The following WNT1 variants were observed in gnomAD, a reference collection of about 807,000 sequenced individuals.
WNT1 encodes proto-oncogene Wnt-1.
A neutral mutation model predicts 21.3 loss-of-function variants in WNT1; 10 were observed. That is an observed-to-expected ratio of 0.47 (90% CI 0.29 to 0.80). WNT1 has a LOEUF of 0.80. Among genes scored for constraint, WNT1 ranks in the 30% least tolerant of loss-of-function variants. WNT1 has a pLI of 0.09. For missense variants in WNT1, 476 were observed against 534.1 expected, an observed-to-expected ratio of 0.89 and a Z score of 1.07; for synonymous variants, 208 against 236.3, an observed-to-expected ratio of 0.88 and a Z score of 1.10.
rs757244362 is a variant in WNT1 at position 48,978,634 on chromosome 12, G to A, written c.-17G>A. On this transcript the variant is annotated 5_prime_UTR_variant, in exon 1 of 4. Transcript: ENST00000293549. The surrounding 1 kb of genome is among the most constrained non-coding windows in gnomAD (Gnocchi z 7.4). ...TCGCCGCAACTGCAGCACAGAGCGGGCAAAGCCAGGCAGGCCATGGGGCTC... is the reference window on the plus strand; with the variant it reads ...TCGCCGCAACTGCAGCACAGAGCGGACAAAGCCAGGCAGGCCATGGGGCTC... 6.4e-6 allele frequency: 10 copies of A among 1,566,902 alleles called. No individual in the cohort carries two copies. In the Admixed American group the frequency reaches 1.6e-4, roughly 25 times the overall value.
rs1941025980 is a variant in WNT1, at chr12:48,982,229, G to C, written c.*589G>C. On this transcript the variant is annotated 3_prime_UTR_variant, in exon 4 of 4. Coordinates refer to ENST00000293549, the MANE Select transcript of WNT1 (RefSeq NM_005430.4). ...CAGCAGAAATGCCCCCATTCTCCCAGTCTCTGTCGTGGAGCCATTGAACAG... is the reference window on the plus strand; with the variant it reads ...CAGCAGAAATGCCCCCATTCTCCCACTCTCTGTCGTGGAGCCATTGAACAG... Among the ~76,000 whole-genome samples the C allele has an allele frequency of 6.6e-6, 1 of 152,164 alleles. No homozygotes were observed. Among genetic ancestry groups the C allele is most frequent in the Non-Finnish European group, 1.5e-5 (1 of 68,036 alleles).
At position 48,981,352 on chromosome 12, in the gene WNT1, G is replaced by A. The variant is rs1211793566; in HGVS notation, c.825G>A (p.Glu275=). Residue 275 remains glutamate (E), a synonymous_variant, in exon 4 of 4, where the codon GAG becomes GAA. Coordinates refer to ENST00000293549, the MANE Select transcript of WNT1 (RefSeq NM_005430.4). This position sits in a 1 kb window ranked among gnomAD's most constrained non-coding sequence, Gnocchi z 7.4. ...CGCGGGCGGAGCTGCTGCGCCTGGA[G>A]CCGGAAGACCCGGCCCACAAACCGC... ...RASRAELLRL[E]PEDPAHKPPS... 3 of 1,568,044 alleles carry A rather than the reference G, an allele frequency of 1.9e-6. No homozygotes were observed. The African/African-American group carries it at 4.1e-5, about 21-fold the overall frequency.
rs766350929 is a variant in WNT1, at chr12:48,981,817, G to T, written c.*177G>T. ...TACCTGGGGACTCCTCAAACCACTT[G>T]CCTGGGGCGGCATGAACCCTCTTGC... is the stretch of plus-strand genomic sequence containing the variant. On this transcript the variant is annotated 3_prime_UTR_variant, in exon 4 of 4. Transcript: ENST00000293549. The surrounding 1 kb of genome is among the most constrained non-coding windows in gnomAD (Gnocchi z 7.4). 9.8e-6 allele frequency: 9 copies of T among 915,404 alleles called. No homozygotes were observed. Among genetic ancestry groups the T allele is most frequent in the Non-Finnish European group, 1.4e-5 (9 of 656,132 alleles). The allele number at this position is 915,404 out of a possible 1,614,324, so 56.7% of individuals were successfully genotyped here.
rs1034744946 is a variant in WNT1, at chr12:48,980,949, G to C, written c.625-203G>C. On this transcript the variant is annotated intron_variant, in intron 3 of 3. Coordinates refer to ENST00000293549, the MANE Select transcript of WNT1 (RefSeq NM_005430.4). This position sits in a 1 kb window ranked among gnomAD's most constrained non-coding sequence, Gnocchi z 7.0. ...ATTCGAAAAATAAGCCTGAGAGGCC[G>C]AGACTGACTCGCCGCGGCGGAGCAG... Among the ~76,000 whole-genome samples, 1 of 152,200 alleles carries C rather than the reference G, an allele frequency of 6.6e-6. No individual in the cohort carries two copies. The highest frequency in any genetic ancestry group is 6.5e-5 in the Admixed American group (1 of 15,290).
chr12:48,978,551 C>T lies in WNT1; in HGVS notation c.-100C>T, dbSNP rs920169029. ...AGGGTTGTTAAAGCCAGACTGCGAA[C>T]TCTCGCCACTGCCGCCACCGCCGCG... On this transcript the variant is annotated 5_prime_UTR_variant, in exon 1 of 4. Transcript: ENST00000293549. This position sits in a 1 kb window ranked among gnomAD's most constrained non-coding sequence, Gnocchi z 7.4. 2 of 861,642 alleles carry T rather than the reference C, an allele frequency of 2.3e-6. No homozygotes were observed. The highest frequency in any genetic ancestry group is 3.7e-6 in the Non-Finnish European group (2 of 541,390). The allele number at this position is 861,642 out of a possible 1,614,324, so 53.4% of individuals were successfully genotyped here.
At position 48,979,603 on chromosome 12, in the gene WNT1, C is replaced by T; in HGVS notation, c.240C>T (p.His80=). The change falls in exon 2 of 4, where the codon CAC becomes CAT. Residue 80 remains histidine (H), a synonymous_variant. Coordinates refer to ENST00000293549, the MANE Select transcript of WNT1 (RefSeq NM_005430.4). The surrounding 1 kb of genome is among the most constrained non-coding windows in gnomAD (Gnocchi z 6.0). ...RLIRQNPGIL[H]SVSGGLQSAV... ...TACGCCAAAATCCGGGGATCCTGCA[C>T]AGCGTGAGTGGGGGGCTGCAGAGTG... 1 of 1,614,118 alleles carries T rather than the reference C, an allele frequency of 6.2e-7. No individual in the cohort carries two copies. The highest frequency in any genetic ancestry group is 8.5e-7 in the Non-Finnish European group (1 of 1,180,046).
rs570746402 is a variant in WNT1 at position 48,980,786 on chromosome 12, G to T, written c.624+97G>T. The T allele has an allele frequency of 2.1e-6, 3 of 1,449,918 alleles. No individual in the cohort carries two copies. The South Asian group carries it at 4.4e-5, about 21-fold the overall frequency. 89.8% of individuals were successfully genotyped at this position (1,449,918 alleles called of 1,614,324 possible). On this transcript the variant is annotated intron_variant, in intron 3 of 3. Transcript: ENST00000293549. The surrounding 1 kb of genome is among the most constrained non-coding windows in gnomAD (Gnocchi z 7.0). The stretch of plus-strand genomic sequence containing the variant: ...GGTGAGATAAGGCAAGGGGCACCAG[G>T]AGAGGGCGTCCTGGGAGAGCCGGAG...
rs1462546178 is a variant in WNT1, at chr12:48,979,714, C to T, written c.351C>T (p.Val117=). 6.3e-7 allele frequency: 1 copy of T among 1,590,076 alleles called. No homozygotes were observed. The highest frequency in any genetic ancestry group is 8.6e-7 in the Non-Finnish European group (1 of 1,163,268). Residue 117 remains valine, a synonymous_variant, in exon 2 of 4, where the codon GTC becomes GTT. Transcript: ENST00000293549. The surrounding 1 kb of genome is among the most constrained non-coding windows in gnomAD (Gnocchi z 6.0). ...APGPHLFGKI[V]NRGCRETAFI... ...GGCCCCACCTCTTCGGCAAGATCGT[C>T]AACCGAGGTGGGTGCCCAGGAAGGC...
In WNT1 at chr12:48,979,439, T is replaced by A; in HGVS notation, c.105-29T>A. 6.3e-7 allele frequency: 1 copy of A among 1,576,852 alleles called. No homozygotes were observed. On this transcript the variant is annotated intron_variant, in intron 1 of 3. Transcript: ENST00000293549. This position sits in a 1 kb window ranked among gnomAD's most constrained non-coding sequence, Gnocchi z 6.0. ...ATGGTTAGGGTGCGGATCCCCTTCC[T>A]GAGCCTGAGCTATCATACGTCCCAC...
Position 48,979,726 on chromosome 12 carries a change from G to A in WNT1, c.358+5G>A. ...TCGGCAAGATCGTCAACCGAGGTGG[G>A]TGCCCAGGAAGGCGACGCTTCCGGG... On this transcript the variant is annotated splice_donor_5th_base_variant and intron_variant, in intron 2 of 3. Coordinates refer to ENST00000293549, the MANE Select transcript of WNT1 (RefSeq NM_005430.4). The surrounding 1 kb of genome is among the most constrained non-coding windows in gnomAD (Gnocchi z 6.0). The A allele has an allele frequency of 5.7e-6, 9 of 1,581,480 alleles. No homozygotes were observed. Among genetic ancestry groups the A allele is most frequent in the Non-Finnish European group, 7.8e-6 (9 of 1,159,188 alleles).
chr12:48,980,349 G>A lies in WNT1; in HGVS notation c.359-75G>A. 2.6e-6 allele frequency: 4 copies of A among 1,563,662 alleles called. No homozygotes were observed. Among genetic ancestry groups the A allele is most frequent in the Non-Finnish European group, 3.5e-6 (4 of 1,142,180 alleles). ...GTGCGGAGTCGGGGGTGGGATTCCG[G>A]TCCCAAGCCCTTCATGAGGGTGCTG... On this transcript the variant is annotated intron_variant, in intron 2 of 3. Coordinates refer to ENST00000293549, the MANE Select transcript of WNT1 (RefSeq NM_005430.4). This position sits in a 1 kb window ranked among gnomAD's most constrained non-coding sequence, Gnocchi z 7.0.
rs1168287105 is a variant in WNT1 at position 48,981,164 on chromosome 12, G to A, written c.637G>A (p.Glu213Lys). 1 of 1,612,082 alleles carries A rather than the reference G, an allele frequency of 6.2e-7. No homozygotes were observed. Among genetic ancestry groups the A allele is most frequent in the East Asian group, 2.2e-5 (1 of 44,748 alleles). ...NEAGRTTVFSEMRQECKCHGM... is the reference protein window; with the variant it reads ...NEAGRTTVFSKMRQECKCHGM... ...CCTATCCCCGCAGACCGTATTCTCC[G>A]AGATGCGCCAGGAGTGCAAGTGCCA... Residue 213 changes from glutamate (E) to lysine (K), a missense_variant, in exon 4 of 4, where the codon GAG becomes AAG. Glu to Lys is a moderately conservative substitution (Grantham distance 56). Transcript: ENST00000293549. This position sits in a 1 kb window ranked among gnomAD's most constrained non-coding sequence, Gnocchi z 7.4.
rs373436799 is a variant in WNT1, at chr12:48,981,960, T to C, written c.*320T>C. Among the ~76,000 whole-genome samples, 152 of 152,132 alleles carry C rather than the reference T, an allele frequency of 1.0e-3. No homozygotes were observed. The highest frequency in any genetic ancestry group is 6.8e-3 in the Middle Eastern group (2 of 294). On this transcript the variant is annotated 3_prime_UTR_variant, in exon 4 of 4. Transcript: ENST00000293549. The surrounding 1 kb of genome is among the most constrained non-coding windows in gnomAD (Gnocchi z 7.4). ...AGGATGGGTCCCCTCCGCCATGGGG[T>C]CGGCTCCTGATGGTGTCATTCTGCC...
chr12:48,981,080 G>A lies in WNT1; in HGVS notation c.625-72G>A, dbSNP rs1592257731. The A allele has an allele frequency of 6.4e-7, 1 of 1,568,148 alleles. No individual in the cohort carries two copies. Among genetic ancestry groups the A allele is most frequent in the South Asian group, 1.2e-5 (1 of 84,288 alleles). ...GAGGTCCGGCCCCCGTGGCGTCCGGGAGAGGGCAGTGTCTGGGAGGGTGAC... is the reference window on the plus strand; with the variant it reads ...GAGGTCCGGCCCCCGTGGCGTCCGGAAGAGGGCAGTGTCTGGGAGGGTGAC... On this transcript the variant is annotated intron_variant, in intron 3 of 3. Coordinates refer to ENST00000293549, the MANE Select transcript of WNT1 (RefSeq NM_005430.4). The surrounding 1 kb of genome is among the most constrained non-coding windows in gnomAD (Gnocchi z 7.4).
Position 48,980,368 on chromosome 12 carries a change from G to A in WNT1, c.359-56G>A, listed in dbSNP as rs1327975307. ...ATTCCGGTCCCAAGCCCTTCATGAGGGTGCTGGCCGCGCCCCGCGTACCCC... is the reference window on the plus strand; with the variant it reads ...ATTCCGGTCCCAAGCCCTTCATGAGAGTGCTGGCCGCGCCCCGCGTACCCC... On this transcript the variant is annotated intron_variant, in intron 2 of 3. Transcript: ENST00000293549. This position sits in a 1 kb window ranked among gnomAD's most constrained non-coding sequence, Gnocchi z 7.0. 1.9e-6 allele frequency: 3 copies of A among 1,604,014 alleles called. No homozygotes were observed. The highest frequency in any genetic ancestry group is 2.6e-6 in the Non-Finnish European group (3 of 1,172,584).
rs1592258414 is a variant in WNT1 at position 48,982,196 on chromosome 12, G to A, written c.*556G>A. 1.3e-5 allele frequency among the ~76,000 whole-genome samples: 2 copies of A among 152,238 alleles called. No homozygotes were observed. The highest frequency in any genetic ancestry group is 4.8e-5 in the African/African-American group (2 of 41,546). On this transcript the variant is annotated 3_prime_UTR_variant, in exon 4 of 4. Transcript: ENST00000293549. Reference sequence around the variant, plus strand: ...GCTGTGATGATGTGGAAATGAGGTTGGGGGAACCAGCAGAAATGCCCCCAT... The same window carrying A: ...GCTGTGATGATGTGGAAATGAGGTTAGGGGAACCAGCAGAAATGCCCCCAT...
In WNT1 at chr12:48,980,126, G is replaced by T. The variant is rs1339249806; in HGVS notation, c.359-298G>T. On this transcript the variant is annotated intron_variant, in intron 2 of 3. Transcript: ENST00000293549. This position sits in a 1 kb window ranked among gnomAD's most constrained non-coding sequence, Gnocchi z 7.0. ...TGCGAAGAAGTCTTGGGGATGTATG[G>T]TTCTTCCGCTCCCCTCTCTTCGGTT... 6.6e-6 allele frequency among the ~76,000 whole-genome samples: 1 copy of T among 152,218 alleles called. No individual in the cohort carries two copies. The highest frequency in any genetic ancestry group is 1.5e-5 in the Non-Finnish European group (1 of 68,042).
chr12:48,981,097 G>A lies in WNT1; in HGVS notation c.625-55G>A. ...GCGTCCGGGAGAGGGCAGTGTCTGG[G>A]AGGGTGACTCTGGCCCGGTGCCCTG... is the stretch of plus-strand genomic sequence containing the variant. On this transcript the variant is annotated intron_variant, in intron 3 of 3. Coordinates refer to ENST00000293549, the MANE Select transcript of WNT1 (RefSeq NM_005430.4). The surrounding 1 kb of genome is among the most constrained non-coding windows in gnomAD (Gnocchi z 7.4). 3 of 1,593,558 alleles carry A rather than the reference G, an allele frequency of 1.9e-6. No individual in the cohort carries two copies. The highest frequency in any genetic ancestry group is 2.6e-6 in the Non-Finnish European group (3 of 1,170,218).
chr12:48,981,283 C>A lies in WNT1; in HGVS notation c.756C>A (p.Gly252=), dbSNP rs767245925. Reference sequence around the variant, plus strand: ...ATGTGCTGCGCGACCGCTTCGACGGCGCCTCGCGCGTCCTGTACGGCAACC... The same window carrying A: ...ATGTGCTGCGCGACCGCTTCGACGGAGCCTCGCGCGTCCTGTACGGCAACC... ...VGDVLRDRFD[G]ASRVLYGNRG... The change falls in exon 4 of 4, where the codon GGC becomes GGA. Residue 252 remains glycine, a synonymous_variant. Coordinates refer to ENST00000293549, the MANE Select transcript of WNT1 (RefSeq NM_005430.4). This position sits in a 1 kb window ranked among gnomAD's most constrained non-coding sequence, Gnocchi z 7.4. The A allele has an allele frequency of 1.3e-6, 2 of 1,597,742 alleles. No individual in the cohort carries two copies. Among genetic ancestry groups the A allele is most frequent in the Admixed American group, 1.7e-5 (1 of 57,954 alleles).
Sources: gnomAD v4.1 joint callset for allele counts (sites outside exome capture counted in the v4.1 genomes callset) on GRCh38, gnomAD v4.1.1 for gene constraint, Gnocchi (gnomAD v3.1) non-coding constraint, MANE v1.5 for transcripts, NCBI Gene and HGNC (gene_info 2026-07-23, HGNC 2026-07-21) for gene names.